The following NPRL3 variants were observed in gnomAD, a reference collection of about 807,000 sequenced individuals.
NPRL3 encodes the protein NPR3 like, GATOR1 complex subunit, also known as GATOR1 complex protein NPRL3.
In NPRL3, 23 loss-of-function variants were observed where a neutral mutation model predicts 57.2. That is an observed-to-expected ratio of 0.40 (90% CI 0.29 to 0.57). NPRL3 has a LOEUF of 0.57. Among genes scored for constraint, NPRL3 ranks in the 20% least tolerant of loss-of-function variants. The pLI is 0.42. For missense variants in NPRL3, 691 were observed against 767.1 expected (o/e 0.90, Z 1.17); for synonymous variants, 333 against 321.1 (o/e 1.04, Z -0.39).
chr16:137,168 C>T (rs1596546612), intron 2 of NPRL3, among the ~76,000 whole-genome samples: 1 of 151,952 alleles, frequency 6.6e-6, no homozygotes, highest in South Asian at 2.1e-4. Context: ...TGCAGTGAGC[C>T]GAGATCACGC....
chr16:89,083 A>G, intron 12 of NPRL3, 193 bp from the exon 13 acceptor site: 1 of 601,340 alleles, frequency 1.7e-6, no homozygotes, highest in Non-Finnish European at 3.0e-6. Flanking sequence ...GACTTGGGAA[A>G]CGGGTAGCCT....
At chr16:104,702 G>T (rs1381766034) in intron 7 of NPRL3, among the ~76,000 whole-genome samples, 1 of 152,222 alleles carries the variant, frequency 6.6e-6, no homozygotes, top group African/African-American at 2.4e-5. Context: ...CTGCACTGAG[G>T]CTGGTGCTTC....
intron 3 of NPRL3, among the ~76,000 whole-genome samples, chr16:128,095 G>A (rs1238316617): frequency 6.6e-6 from 1 of 150,912 alleles, no homozygotes; most frequent in Non-Finnish European, 1.5e-5. Context: ...AAGTTCAAGT[G>A]ATTCTCCTGC....
intron 11 of NPRL3, chr16:90,613 C>T (rs1322638388): frequency 6.6e-6 from 1 of 152,390 alleles, no homozygotes; most frequent in African/African-American, 2.4e-5. Flanking sequence ...AAAGTACTGC[C>T]CAGACTCAGG....
chr16:131,715 T>G (rs1179196371), intron 2 of NPRL3, among the ~76,000 whole-genome samples: 26 of 152,026 alleles, frequency 1.7e-4, no homozygotes, highest in Admixed American at 1.7e-3. Context: ...AGAGTGGTAC[T>G]TGCTGAAGGC....
In NPRL3 at chr16:110,615, A is replaced by C; in HGVS notation, c.548-9T>G. On this transcript the variant is annotated splice_polypyrimidine_tract_variant and intron_variant, in intron 6 of 13. Coordinates refer to ENST00000611875, the MANE Select transcript of NPRL3 (RefSeq NM_001077350.3). ...CTGAGGACCTTCATTTCCTACAAGA[A>C]TCACAACACAAGATTTACAGCTCCC... 2 of 1,602,022 alleles carry C rather than the reference A, an allele frequency of 1.2e-6. No individual in the cohort carries two copies. Among genetic ancestry groups the C allele is most frequent in the South Asian group, 2.2e-5 (2 of 88,954 alleles).
chr16:115,579 G>A (rs999500384), intron 5 of NPRL3, among the ~76,000 whole-genome samples: 5 of 150,304 alleles, frequency 3.3e-5, no homozygotes, highest in South Asian at 2.1e-4. Flanking sequence ...TCCGCCTCCC[G>A]GATTCAACCG....
intron 3 of NPRL3, chr16:125,207 G>A (rs934551457): frequency 1.9e-5 from 3 of 154,394 alleles, no homozygotes; most frequent in African/African-American, 4.8e-5. Context: ...TGGGAGCTCT[G>A]CCAAAGATCC....
chr16:89,703 G>A lies in NPRL3; in HGVS notation c.1351+10C>T, dbSNP rs756044112. The A allele has an allele frequency of 6.4e-7, 1 of 1,556,732 alleles. No homozygotes were observed. Among genetic ancestry groups the A allele is most frequent in the Non-Finnish European group, 8.6e-7 (1 of 1,158,714 alleles). ...CCCTGACTACCACAGCGGTGCCCTG[G>A]GGGTCCTACTTGGGGAGCCAAAGCT... On this transcript the variant is annotated intron_variant, in intron 12 of 13. Transcript: ENST00000611875.
At chr16:101,959 G>A (rs1265715351) in intron 7 of NPRL3, among the ~76,000 whole-genome samples, 2 of 152,194 alleles carry the variant, frequency 1.3e-5, no homozygotes, top group Non-Finnish European at 2.9e-5. Flanking sequence ...CTCCTGAGGA[G>A]GGGGGCTTGT....
At chr16:88,950 G>T in intron 12 of NPRL3, 60 bp from the exon 13 acceptor site, 1 of 1,508,738 alleles carries the variant, frequency 6.6e-7, no homozygotes, top group Admixed American at 1.9e-5. Flanking sequence ...GGGGAACAGC[G>T]AGGGCAGAGC....
intron 8 of NPRL3, among the ~76,000 whole-genome samples, chr16:99,255 CCA>C (rs1899161552): frequency 6.6e-6 from 1 of 152,048 alleles, no homozygotes; most frequent in Non-Finnish European, 1.5e-5. Flanking sequence ...AGCAATGTGC[CCA>C]GATATATTTT....
intron 7 of NPRL3, among the ~76,000 whole-genome samples, 162 bp from the exon 8 acceptor site, chr16:100,671 AG>A (rs1315868222): frequency 6.7e-6 from 1 of 149,612 alleles, no homozygotes; most frequent in Non-Finnish European, 1.5e-5. Context: ...ATTATGTTTA[AG>A]AAAAGAAAAT....
At chr16:100,941 A>G (rs1899269500) in intron 7 of NPRL3, among the ~76,000 whole-genome samples, 1 of 142,252 alleles carries the variant, frequency 7.0e-6, no homozygotes, top group Non-Finnish European at 1.5e-5. Context: ...ACTGCACTCC[A>G]GCCTGGGCAA....
At chr16:100,233 G>T in intron 8 of NPRL3, 139 bp downstream of exon 8, 2 of 864,768 alleles carry the variant, frequency 2.3e-6, no homozygotes, top group Admixed American at 7.6e-5. Flanking sequence ...TTCTATAAAC[G>T]GCAGAGCCCC....
chr16:137,810 C>A (rs932413134), intron 2 of NPRL3, among the ~76,000 whole-genome samples: 5 of 151,968 alleles, frequency 3.3e-5, no homozygotes, highest in African/African-American at 1.2e-4. Context: ...GGTGATCCAC[C>A]CGCCTCGGCC....
rs1453118437 is a variant in NPRL3, at chr16:86,826, A to G, written c.1589T>C (p.Met530Thr). The G allele has an allele frequency of 7.4e-6, 12 of 1,613,508 alleles. No individual in the cohort carries two copies. Among genetic ancestry groups the G allele is most frequent in the Non-Finnish European group, 1.0e-5 (12 of 1,179,772 alleles). ...GGAGCGCCGCGTGTTCTCGTTGTAC[A>G]TAATCTCCTCCAGGTGGTGGCGGCC... is the stretch of plus-strand genomic sequence containing the variant. ...FRGRHHLEEI[M>T]YNENTRRSQL... is the part of the protein sequence containing the mutation. The change falls in exon 14 of 14, where the codon ATG becomes ACG. Residue 530 changes from methionine to threonine, a missense_variant. Physicochemically the swap from Met to Thr is moderately conservative, Grantham distance 81. Transcript: ENST00000611875.
rs142206719 is a variant in NPRL3, at chr16:96,162, G to A, written c.924+1983C>T. On this transcript the variant is annotated intron_variant, in intron 9 of 13. Coordinates refer to ENST00000611875, the MANE Select transcript of NPRL3 (RefSeq NM_001077350.3). The stretch of plus-strand genomic sequence containing the variant: ...GTCCAAGGAGACTCTGAGAGCAAGG[G>A]TGAGAGGCACACTGTCCACACAAAC... Among the ~76,000 whole-genome samples, 22 of 152,168 alleles carry A rather than the reference G, an allele frequency of 1.4e-4. 1 individual carries two copies. In the East Asian group the frequency reaches 3.7e-3, roughly 26 times the overall value.
rs1901212695 is a variant in NPRL3 at position 138,251 on chromosome 16, C to T, written c.17G>A (p.Ser6Asn). The T allele has an allele frequency of 8.1e-6, 13 of 1,605,044 alleles. No individual in the cohort carries two copies. Among genetic ancestry groups the T allele is most frequent in the East Asian group, 2.2e-5 (1 of 44,502 alleles). MRDNTSPISVILVSSG... is the reference protein window; with the variant it reads MRDNTNPISVILVSSG... ...GCTCACCAGAATCACGCTGATGGGG[C>T]TGGTGTTGTCCCGCATCCCGCCGTG... Residue 6 changes from serine to asparagine, a missense_variant, in exon 2 of 14, where the codon AGC (serine) becomes AAC (asparagine). Ser to Asn is a conservative substitution (Grantham distance 46, BLOSUM62 1). Transcript: ENST00000611875.
Sources: gnomAD v4.1 joint callset for allele counts (sites outside exome capture counted in the v4.1 genomes callset) on GRCh38, gnomAD v4.1.1 for gene constraint, MANE v1.5 for transcripts, NCBI Gene and HGNC (gene_info 2026-07-23, HGNC 2026-07-21) for gene names.